Variants in SAV1 observed in about 807,000 individuals in gnomAD.
SAV1 encodes the protein salvador family WW domain containing protein 1.
In SAV1, 23 loss-of-function variants were observed where a neutral mutation model predicts 47.3. That is an observed-to-expected ratio of 0.49 (90% confidence interval 0.35 to 0.69). SAV1 has a LOEUF of 0.69. Among genes scored for constraint, SAV1 ranks in the 30% least tolerant of loss-of-function variants. The pLI is 0.01. For missense variants in SAV1, 448 were observed against 457.4 expected (o/e 0.98, Z 0.19); for synonymous variants, 155 against 159.2 (o/e 0.97, Z 0.20).
In SAV1 at chr14:50,635,256, G is replaced by A; in HGVS notation, c.1079C>T (p.Ala360Val). ...TCGGTTTTCCAACTCTGTAAGAAGG[G>A]CTTGTCTGTATGCTTCATACATTTT... ...IVKMYEAYRQ[A>V]LLTELENRKQ... Residue 360 changes from alanine (A) to valine (V), a missense_variant, in exon 5 of 5, where the codon GCC (alanine) becomes GTC (valine). By Grantham distance (64) the Ala-to-Val change is moderately conservative. Coordinates refer to ENST00000324679, the MANE Select transcript of SAV1 (RefSeq NM_021818.4). 1 of 1,614,094 alleles carries A rather than the reference G, an allele frequency of 6.2e-7. No individual in the cohort carries two copies. Among genetic ancestry groups the A allele is most frequent in the Non-Finnish European group, 8.5e-7 (1 of 1,179,992 alleles).
At chr14:50,667,495 A>C in intron 1 of SAV1, 1 of 461,698 alleles carries the variant, frequency 2.2e-6, no homozygotes, top group South Asian at 1.5e-5. Context: ...GCACATCTCG[A>C]CGCATCTAAA....
rs2039708934 is a variant in SAV1 at position 50,644,920 on chromosome 14, T to C, written c.630A>G (p.Thr210=). The part of the protein sequence containing the change: ...PLPPGWSVDW[T]MRGRKYYIDH... ...CTATATAATATTTTCTCCCTCTCAT[T>C]GTCCAGTCCACAGACCAGCCAGGAG... Residue 210 remains threonine (T), a synonymous_variant, in exon 3 of 5, where the codon ACA becomes ACG. Coordinates refer to ENST00000324679, the MANE Select transcript of SAV1 (RefSeq NM_021818.4). 3 of 1,614,066 alleles carry C rather than the reference T, an allele frequency of 1.9e-6. No homozygotes were observed. Among genetic ancestry groups the C allele is most frequent in the African/African-American group, 1.3e-5 (1 of 75,018 alleles).
rs751587711 is a variant in SAV1, at chr14:50,667,884, A to T, written c.84T>A (p.Pro28=). The stretch of plus-strand genomic sequence containing the variant: ...CCGCCTGACACTCACTCCGAAGCAG[A>T]GGCGACGTCTCCTTCTTCACGTACT... The part of the protein sequence containing the change: ...QGKYVKKETS[P]LLRNLMPSFI... The change falls in exon 1 of 5, where the codon CCT becomes CCA. Residue 28 remains proline, a synonymous_variant. Transcript: ENST00000324679. The T allele has an allele frequency of 1.2e-6, 2 of 1,613,062 alleles. No homozygotes were observed. Among genetic ancestry groups the T allele is most frequent in the Non-Finnish European group, 8.5e-7 (1 of 1,179,376 alleles).
intron 2 of SAV1, among the ~76,000 whole-genome samples, chr14:50,654,904 G>T (rs1463798096): frequency 6.6e-6 from 1 of 152,182 alleles, no homozygotes. Context: ...CATTATCTAT[G>T]CAGTATTCTG....
At chr14:50,665,138 A>C (rs1200469697) in intron 2 of SAV1, 41 bp downstream of exon 2, 5 of 1,461,334 alleles carry the variant, frequency 3.4e-6, no homozygotes, top group Non-Finnish European at 4.5e-6. Flanking sequence ...TTGACATGTC[A>C]ATAAATATAA....
At position 50,665,353 on chromosome 14, in the gene SAV1, T is replaced by C. The variant is rs201680100; in HGVS notation, c.361A>G (p.Ser121Gly). The change falls in exon 2 of 5, where the codon AGT becomes GGT. Residue 121 changes from serine (S) to glycine (G), a missense_variant. Coordinates refer to ENST00000324679, the MANE Select transcript of SAV1 (RefSeq NM_021818.4). ...GSSQSFVTEVSFAVENGDSGS... is the reference protein window; with the variant it reads ...GSSQSFVTEVGFAVENGDSGS... ...GAGTCTCCATTTTCAACAGCAAAAC[T>C]AACTTCCGTTACAAATGACTGAGAA... is the stretch of plus-strand genomic sequence containing the variant. 25 of 1,613,078 alleles carry C rather than the reference T, an allele frequency of 1.5e-5. No individual in the cohort carries two copies. The highest frequency in any genetic ancestry group is 2.0e-5 in the Non-Finnish European group (24 of 1,179,396).
intron 2 of SAV1, among the ~76,000 whole-genome samples, chr14:50,648,135 C>T (rs1595641267): frequency 6.6e-6 from 1 of 152,194 alleles, no homozygotes; most frequent in South Asian, 2.1e-4. Flanking sequence ...TTGGTACATG[C>T]AAGAATCTCA....
At chr14:50,658,037 T>C (rs2039827866) in intron 2 of SAV1, among the ~76,000 whole-genome samples, 2 of 152,230 alleles carry the variant, frequency 1.3e-5, no homozygotes, top group African/African-American at 4.8e-5. Flanking sequence ...TACACATTAT[T>C]AGCATGTGTT....
chr14:50,645,463 C>A (rs1341227919), intron 2 of SAV1, among the ~76,000 whole-genome samples: 1 of 151,998 alleles, frequency 6.6e-6, no homozygotes, highest in Non-Finnish European at 1.5e-5. Context: ...TGTAAAATTA[C>A]CTTCAGGCTA....
At chr14:50,667,401 G>A (rs1272531649) in intron 1 of SAV1, 1 of 456,006 alleles carries the variant, frequency 2.2e-6, no homozygotes, top group Non-Finnish European at 4.4e-6. Flanking sequence ...TCTGCATCCG[G>A]CAGCAGGACT....
chr14:50,641,708 A>G (rs2039682020), intron 3 of SAV1, among the ~76,000 whole-genome samples: 1 of 152,198 alleles, frequency 6.6e-6, no homozygotes. Flanking sequence ...AAGTCAAAAA[A>G]TAACAGATGC....
At chr14:50,643,976 AT>A (rs2039700763) in intron 3 of SAV1, among the ~76,000 whole-genome samples, 1 of 152,220 alleles carries the variant, frequency 6.6e-6, no homozygotes. Flanking sequence ...TATTTTACTC[AT>A]TTTTAATCTT....
chr14:50,634,313 A>G lies in SAV1; in HGVS notation c.*870T>C, dbSNP rs745656636. ...TCATACCAAAAAATACTTTCTCAAC[A>G]TGCTTTAAAAGGATTCCTTATTTTG... On this transcript the variant is annotated 3_prime_UTR_variant, in exon 5 of 5. Coordinates refer to ENST00000324679, the MANE Select transcript of SAV1 (RefSeq NM_021818.4). The G allele has an allele frequency of 3.4e-6, 1 of 297,506 alleles. No individual in the cohort carries two copies. Among genetic ancestry groups the G allele is most frequent in the Non-Finnish European group, 6.9e-6 (1 of 144,470 alleles). The allele number at this position is 297,506 out of a possible 1,614,324, so 18.4% of individuals were successfully genotyped here.
At chr14:50,643,874 T>C (rs2039700080) in intron 3 of SAV1, among the ~76,000 whole-genome samples, 1 of 152,222 alleles carries the variant, frequency 6.6e-6, no homozygotes, top group African/African-American at 2.4e-5. Context: ...ATAACTATTT[T>C]AATGGTTCTA....
chr14:50,665,065 A>T, intron 2 of SAV1, 114 bp downstream of exon 2: 1 of 1,408,176 alleles, frequency 7.1e-7, no homozygotes, highest in African/African-American at 1.5e-5. Flanking sequence ...CAAAGTGGAA[A>T]AACATTTCGC....
At chr14:50,656,724 G>A (rs2039815830) in intron 2 of SAV1, among the ~76,000 whole-genome samples, 1 of 152,024 alleles carries the variant, frequency 6.6e-6, no homozygotes, top group Non-Finnish European at 1.5e-5. Flanking sequence ...TTACAGGCGT[G>A]AGCCACCGTG....
chr14:50,638,243 C>T (rs540673481), intron 4 of SAV1, among the ~76,000 whole-genome samples: 4 of 152,196 alleles, frequency 2.6e-5, no homozygotes, highest in Admixed American at 2.0e-4. Flanking sequence ...CCATTCTTTC[C>T]TTCTTAACTA....
At chr14:50,644,378 G>A (rs1457297556) in intron 3 of SAV1, among the ~76,000 whole-genome samples, 1 of 152,144 alleles carries the variant, frequency 6.6e-6, no homozygotes, top group East Asian at 1.9e-4. Flanking sequence ...TAATTCAATT[G>A]TACATTCTGA....
At chr14:50,645,159 A>C in intron 2 of SAV1, 145 bp from the exon 3 acceptor site, 1 of 707,586 alleles carries the variant, frequency 1.4e-6, no homozygotes, top group Non-Finnish European at 2.3e-6. Flanking sequence ...GATGGTTTTC[A>C]TAAAACTAGT....
Sources: allele counts gnomAD v4.1 joint callset (sites outside exome capture counted in the v4.1 genomes callset), GRCh38; gene constraint gnomAD v4.1.1; transcripts MANE v1.5; gene names NCBI Gene and HGNC (gene_info 2026-07-23, HGNC 2026-07-21).